Variants in NGLY1 observed in about 807,000 individuals in gnomAD.
NGLY1 encodes the protein N-glycanase 1.
In NGLY1, 68 loss-of-function variants were observed where a neutral mutation model predicts 84.6. The observed-to-expected ratio is 0.80, with a 90% CI of 0.66 to 0.98. NGLY1 has a LOEUF of 0.98. Ranked by LOEUF, NGLY1 falls within the 50% of genes least tolerant of loss-of-function variation. The pLI, the probability that NGLY1 is intolerant of heterozygous loss-of-function variation, is 0.00. For missense variants in NGLY1, 779 were observed against 770.2 expected, an observed-to-expected ratio of 1.01 and a Z score of -0.14; for synonymous variants, 280 against 275.2, an observed-to-expected ratio of 1.02 and a Z score of -0.17.
chr3:25,743,600 G>T (rs1559540156), intron 4 of NGLY1, among the ~76,000 whole-genome samples: 1 of 151,866 alleles, frequency 6.6e-6, no homozygotes, highest in East Asian at 1.9e-4. Context: ...TTCCATAATG[G>T]TAGGTACTTA....
intron 4 of NGLY1, among the ~76,000 whole-genome samples, chr3:25,750,446 CAAA>C (rs1270036301): frequency 6.6e-6 from 1 of 152,060 alleles, no homozygotes. Context: ...ATAGAATAGT[CAAA>C]ATCACAGCGA....
At chr3:25,770,356 C>T (rs1000155374) in intron 2 of NGLY1, among the ~76,000 whole-genome samples, 1 of 152,112 alleles carries the variant, frequency 6.6e-6, no homozygotes, top group Non-Finnish European at 1.5e-5. Context: ...ACCATGTTGT[C>T]CAGGGAGGTC....
At chr3:25,726,383 G>A (rs1365368131) in intron 10 of NGLY1, among the ~76,000 whole-genome samples, 1 of 152,200 alleles carries the variant, frequency 6.6e-6, no homozygotes, top group Non-Finnish European at 1.5e-5. Flanking sequence ...ATTAGAGAGA[G>A]ACAAATAATT....
In NGLY1 at chr3:25,764,294, G is replaced by T. The variant is rs770909660; in HGVS notation, c.264C>A (p.Ile88=). 1.2e-6 allele frequency: 2 copies of T among 1,613,462 alleles called. No homozygotes were observed. Among genetic ancestry groups the T allele is most frequent in the Non-Finnish European group, 1.7e-6 (2 of 1,179,784 alleles). Residue 88 remains isoleucine (I), a synonymous_variant, in exon 3 of 12, where the codon ATC becomes ATA. Coordinates refer to ENST00000280700, the MANE Select transcript of NGLY1 (RefSeq NM_018297.4). ...MGFEEGETHL[I]FPKKASVEQL... ...GCTCCACTGAAGCTTTTTTAGGAAA[G>T]ATGAGATGTGTTTCTCCCTGGAATT...
intron 1 of NGLY1, among the ~76,000 whole-genome samples, chr3:25,779,288 T>C (rs147391407): frequency 6.2e-4 from 95 of 152,284 alleles, no homozygotes; most frequent in African/African-American, 2.1e-3. Flanking sequence ...AAGACATAAA[T>C]TTCTTTTACC....
chr3:25,789,802 AAT>A (rs1708682637), intron 1 of NGLY1: 1 of 1,528,568 alleles, frequency 6.5e-7, no homozygotes, highest in Non-Finnish European at 8.9e-7. Flanking sequence ...GACAAAAGGG[AAT>A]ATTTGGGCAT....
In NGLY1 at chr3:25,751,208, A is replaced by G. The variant is rs781700117; in HGVS notation, c.548T>C (p.Leu183Pro). The change falls in exon 4 of 12, where the codon CTG becomes CCG. Residue 183 changes from leucine (L) to proline (P), a missense_variant. Transcript: ENST00000280700. ...EVLQSNIQHV[L>P]VYENPALQEK... The stretch of plus-strand genomic sequence containing the variant: ...CTGAAGAGCAGGATTTTCATAGACC[A>G]GCACATGCTGAATGTTGGACTGAAG... 1.9e-6 allele frequency: 3 copies of G among 1,612,880 alleles called. No homozygotes were observed. The highest frequency in any genetic ancestry group is 1.7e-5 in the Admixed American group (1 of 59,868).
chr3:25,733,774 T>G, intron 8 of NGLY1, 98 bp downstream of exon 8: 1 of 563,054 alleles, frequency 1.8e-6, no homozygotes, highest in East Asian at 3.1e-5. Context: ...TATAAAACAA[T>G]GCTACTACTT....
chr3:25,783,002 C>T lies in NGLY1; in HGVS notation c.131+258G>A, dbSNP rs189616372. 1 of 427,198 alleles carries T rather than the reference C, an allele frequency of 2.3e-6. No homozygotes were observed. The highest frequency in any genetic ancestry group is 2.1e-5 in the African/African-American group (1 of 47,288). 26.5% of individuals were successfully genotyped at this position (427,198 alleles called of 1,614,324 possible). A position where few individuals can be genotyped will look rare whatever the true frequency, so the allele number is the denominator to read the frequency against. On this transcript the variant is annotated intron_variant, in intron 1 of 11. Coordinates refer to ENST00000280700, the MANE Select transcript of NGLY1 (RefSeq NM_018297.4). This position sits in a 1 kb window ranked among gnomAD's most constrained non-coding sequence, Gnocchi z 4.5. Reference sequence around the variant, plus strand: ...GCCCCGCTTCCGGGACTCCAGTTCACCCGCAGCACCCTGACTGCAGGTGCC... The same window carrying T: ...GCCCCGCTTCCGGGACTCCAGTTCATCCGCAGCACCCTGACTGCAGGTGCC...
intron 4 of NGLY1, among the ~76,000 whole-genome samples, chr3:25,743,118 C>G (rs186675038): frequency 3.9e-5 from 6 of 152,130 alleles, no homozygotes; most frequent in African/African-American, 1.2e-4. Flanking sequence ...CAAGGACTGC[C>G]AGCAGCAACC....
intron 10 of NGLY1, among the ~76,000 whole-genome samples, chr3:25,727,975 T>C (rs913997870): frequency 6.6e-6 from 1 of 152,150 alleles, no homozygotes; most frequent in Non-Finnish European, 1.5e-5. Flanking sequence ...AAGATGTTCA[T>C]CCTCTCTCAT....
At chr3:25,784,581 T>G (rs1708562420), upstream of NGLY1, among the ~76,000 whole-genome samples, 3 of 152,224 alleles carry the variant, frequency 2.0e-5, no homozygotes, top group African/African-American at 7.2e-5. Flanking sequence ...CACGAAGTAT[T>G]TTTCTTGACT....
At chr3:25,775,956 G>A (rs1428967059) in intron 2 of NGLY1, among the ~76,000 whole-genome samples, 3 of 152,078 alleles carry the variant, frequency 2.0e-5, no homozygotes, top group African/African-American at 7.2e-5. Context: ...AATATCACCT[G>A]TACCCCATAA....
intron 2 of NGLY1, among the ~76,000 whole-genome samples, chr3:25,769,439 C>T (rs1707784167): frequency 6.6e-6 from 1 of 152,096 alleles, no homozygotes; most frequent in Admixed American, 6.5e-5. Flanking sequence ...AATTGGCTAA[C>T]AGGTATATGA....
intron 2 of NGLY1, among the ~76,000 whole-genome samples, chr3:25,774,535 T>A (rs548976771): frequency 4.3e-4 from 66 of 152,006 alleles, no homozygotes; most frequent in Non-Finnish European, 6.9e-4. Context: ...ATTACAGCTA[T>A]CTCTGCTGCA....
intron 3 of NGLY1, among the ~76,000 whole-genome samples, chr3:25,759,485 T>C (rs762604481): frequency 3.9e-5 from 6 of 152,236 alleles, no homozygotes; most frequent in Non-Finnish European, 7.3e-5. Flanking sequence ...CTTTTCAATC[T>C]GGAAATTACC....
chr3:25,768,006 G>T (rs1175546834), intron 2 of NGLY1, among the ~76,000 whole-genome samples: 2 of 150,824 alleles, frequency 1.3e-5, no homozygotes, highest in African/African-American at 4.9e-5. Flanking sequence ...CCAGCTACTC[G>T]GGAGGCTGAG....
At chr3:25,788,719 A>T (rs1321262315) in intron 1 of NGLY1, among the ~76,000 whole-genome samples, 1 of 152,232 alleles carries the variant, frequency 6.6e-6, no homozygotes. Flanking sequence ...TTAGGTACTT[A>T]CTCATCAAGT....
intron 4 of NGLY1, chr3:25,749,668 T>C (rs746304658): frequency 7.9e-6 from 12 of 1,528,610 alleles, no homozygotes; most frequent in Non-Finnish European, 9.9e-6. Context: ...ACATTAGTTA[T>C]GGGAGCAACA....
Sources: allele counts gnomAD v4.1 joint callset (sites outside exome capture counted in the v4.1 genomes callset), GRCh38; gene constraint gnomAD v4.1.1; non-coding constraint Gnocchi (gnomAD v3.1); transcripts MANE v1.5; gene names NCBI Gene and HGNC (gene_info 2026-07-23, HGNC 2026-07-21).